MTUS2: variants seen among roughly 807,000 people sequenced by gnomAD.
The protein encoded by MTUS2 is microtubule-associated tumor suppressor candidate 2.
A neutral mutation model predicts 114.1 loss-of-function variants in MTUS2; 40 were observed. The ratio of observed to expected loss-of-function variants is 0.35; its 90% CI spans 0.27 to 0.46. The LOEUF is 0.46. MTUS2 is among the 20% of genes least tolerant of loss of function. The pLI, the probability that MTUS2 is intolerant of heterozygous loss-of-function variation, is 1.00. For missense variants in MTUS2, 1,679 were observed against 1,705.4 expected, an observed-to-expected ratio of 0.98 and a Z score of 0.27; for synonymous variants, 688 against 672.0, an observed-to-expected ratio of 1.02 and a Z score of -0.37.
intron 3 of MTUS2, 85 bp from the exon 4 acceptor site, chr13:29,033,800 G>A (rs1415638047): frequency 2.0e-6 from 3 of 1,530,724 alleles, no homozygotes; most frequent in African/African-American, 1.4e-5. Flanking sequence ...AGTGGTCATT[G>A]GTTCAGCCTC....
At chr13:29,054,024 C>A (rs553491743) in intron 4 of MTUS2, among the ~76,000 whole-genome samples, 1 of 152,300 alleles carries the variant, frequency 6.6e-6, no homozygotes, top group African/African-American at 2.4e-5. Context: ...ATCTTACAGT[C>A]CCATGAGCAA....
chr13:29,503,894 C>G lies in MTUS2; in HGVS notation c.*688C>G, dbSNP rs560336906. ...GATGTGAGATCACTATTATTCCATT[C>G]GCAAGTTTTAATTATTGATACTCCT... is the stretch of plus-strand genomic sequence containing the variant. On this transcript the variant is annotated 3_prime_UTR_variant, in exon 16 of 16. Coordinates refer to ENST00000612955, the MANE Select transcript of MTUS2 (RefSeq NM_001033602.4). 4.3e-6 allele frequency: 1 copy of G among 231,782 alleles called. No individual in the cohort carries two copies. Among genetic ancestry groups the G allele is most frequent in the Non-Finnish European group, 8.5e-6 (1 of 117,032 alleles). The allele number at this position is 231,782 out of a possible 1,614,324, so 14.4% of individuals were successfully genotyped here.
chr13:29,473,412 G>A (rs944006788), intron 9 of MTUS2, among the ~76,000 whole-genome samples: 7 of 152,106 alleles, frequency 4.6e-5, no homozygotes, highest in African/African-American at 1.4e-4. Flanking sequence ...GATCTTACTC[G>A]CTGAGTGTTC....
chr13:29,389,419 G>GTGTATGTGTA (rs1566172971), intron 8 of MTUS2, among the ~76,000 whole-genome samples: 1 of 106,892 alleles, frequency 9.4e-6, no homozygotes, highest in African/African-American at 4.6e-5. Flanking sequence ...ACGTGTGTGT[G>GTGTATGTGTA]TATGTATACA....
At chr13:29,147,514 G>A (rs1892486890) in intron 5 of MTUS2, among the ~76,000 whole-genome samples, 1 of 152,064 alleles carries the variant, frequency 6.6e-6, no homozygotes, top group Non-Finnish European at 1.5e-5. Flanking sequence ...CTGAGGATTG[G>A]GGTTTGATTG....
Position 28,820,523 on chromosome 13 carries a change from G to C in MTUS2, c.-404G>C, listed in dbSNP as rs977265104. ...GAGCTGGAGAGGAGGAGGAAGCAGC[G>C]TGGCGGAACCCGGCCCGAGATGAGC... On this transcript the variant is annotated 5_prime_UTR_variant, in exon 1 of 16. Coordinates refer to ENST00000612955, the MANE Select transcript of MTUS2 (RefSeq NM_001033602.4). 4.6e-5 allele frequency: 7 copies of C among 153,026 alleles called. No individual in the cohort carries two copies. Among genetic ancestry groups the C allele is most frequent in the African/African-American group, 1.7e-4 (7 of 41,476 alleles). The allele number at this position is 153,026 out of a possible 1,614,324, so 9.5% of individuals were successfully genotyped here. A position where few individuals can be genotyped will look rare whatever the true frequency, so the allele number is the denominator to read the frequency against.
chr13:29,281,079 G>T (rs1381245567), intron 5 of MTUS2, among the ~76,000 whole-genome samples: 1 of 152,084 alleles, frequency 6.6e-6, no homozygotes, highest in African/African-American at 2.4e-5. Context: ...GTAATTCAGG[G>T]TCCTCACAGT....
intron 2 of MTUS2, among the ~76,000 whole-genome samples, chr13:29,022,884 T>C (rs1886352417): frequency 6.6e-6 from 1 of 152,254 alleles, no homozygotes; most frequent in African/African-American, 2.4e-5. Context: ...ATCTTCCTCA[T>C]CATTCATTTG....
At chr13:29,236,482 C>T (rs1375480366) in intron 5 of MTUS2, among the ~76,000 whole-genome samples, 1 of 152,194 alleles carries the variant, frequency 6.6e-6, no homozygotes, top group Non-Finnish European at 1.5e-5. Flanking sequence ...GTGTGGAACA[C>T]TAATTTTTCC....
intron 8 of MTUS2, among the ~76,000 whole-genome samples, chr13:29,387,614 A>G (rs937142162): frequency 6.6e-6 from 1 of 152,194 alleles, no homozygotes; most frequent in East Asian, 1.9e-4. Context: ...GGGCTGTTAA[A>G]GGAACAAGGC....
Position 29,446,580 on chromosome 13 carries a change from T to C in MTUS2, c.3184+6531T>C, listed in dbSNP as rs150099291. Among the ~76,000 whole-genome samples, 39 of 152,378 alleles carry C rather than the reference T, an allele frequency of 2.6e-4. No individual in the cohort carries two copies. The East Asian group carries it at 6.2e-3, about 24-fold the overall frequency. On this transcript the variant is annotated intron_variant, in intron 9 of 15. Transcript: ENST00000612955. ...ATTTTTTGCTGTTATGCAACAAGTA[T>C]AGTGTTTGCAAATTACTTTTTACCT...
Position 29,100,988 on chromosome 13 carries a change from G to A in MTUS2, c.2644+18G>A, listed in dbSNP as rs751459746. 6.5e-7 allele frequency: 1 copy of A among 1,530,794 alleles called. No individual in the cohort carries two copies. The highest frequency in any genetic ancestry group is 1.8e-4 in the Middle Eastern group (1 of 5,414). The allele number at this position is 1,530,794 out of a possible 1,614,324, so 94.8% of individuals were successfully genotyped here. On this transcript the variant is annotated intron_variant, in intron 5 of 15. Transcript: ENST00000612955. ...AGCCACCCGTAAGTGGGGTGGGGCA[G>A]GGTGGGGTGCCTTCACTGAATTAAA...
chr13:28,868,245 A>G (rs1457960841), intron 2 of MTUS2, among the ~76,000 whole-genome samples: 2 of 152,194 alleles, frequency 1.3e-5, no homozygotes, highest in Admixed American at 1.3e-4. Context: ...TTACCTTATA[A>G]TAGTGTTATT....
At chr13:29,057,949 T>A (rs927875224) in intron 4 of MTUS2, among the ~76,000 whole-genome samples, 2 of 152,170 alleles carry the variant, frequency 1.3e-5, no homozygotes, top group African/African-American at 4.8e-5. Context: ...GGTGTTTCCA[T>A]ATGTAGCACT....
intron 5 of MTUS2, among the ~76,000 whole-genome samples, chr13:29,199,618 T>C (rs7993093): frequency 0.83 from 126,437 of 152,104 alleles, 52,775 homozygotes; most frequent in African/African-American, 0.91. Flanking sequence ...ATTTTCTCAT[T>C]GATGTTCATC....
At chr13:29,060,306 CG>C (rs1279959640) in intron 4 of MTUS2, among the ~76,000 whole-genome samples, 2 of 151,830 alleles carry the variant, frequency 1.3e-5, no homozygotes, top group Admixed American at 6.6e-5. Flanking sequence ...AGGGGTGGGG[CG>C]GGGTGTCAAG....
intron 2 of MTUS2, among the ~76,000 whole-genome samples, chr13:28,869,296 T>G (rs1304200440): frequency 6.6e-6 from 1 of 152,232 alleles, no homozygotes; most frequent in Non-Finnish European, 1.5e-5. Flanking sequence ...TAACTCATTG[T>G]TCAAATGACT....
chr13:29,436,695 A>T (rs1877431792), intron 8 of MTUS2, among the ~76,000 whole-genome samples: 1 of 151,946 alleles, frequency 6.6e-6, no homozygotes, highest in Admixed American at 6.6e-5. Context: ...GGTCTTCGTG[A>T]TCTGTTTTAA....
intron 10 of MTUS2, among the ~76,000 whole-genome samples, chr13:29,481,083 C>A (rs1881130207): frequency 2.0e-5 from 3 of 152,206 alleles, no homozygotes; most frequent in African/African-American, 7.2e-5. Flanking sequence ...AATTGCCTGC[C>A]AACTCTCCTG....
Sources: gnomAD v4.1 joint callset for allele counts (sites outside exome capture counted in the v4.1 genomes callset) on GRCh38, gnomAD v4.1.1 for gene constraint, MANE v1.5 for transcripts, NCBI Gene and HGNC (gene_info 2026-07-23, HGNC 2026-07-21) for gene names.